AFM: variants seen among roughly 807,000 people sequenced by gnomAD.
AFM encodes alpha-Alb.
AFM carries 82 observed loss-of-function variants against 68.7 expected under a neutral mutation model. The observed-to-expected ratio is 1.19, with a 90% CI of 1.00 to 1.43. The LOEUF is 1.43. AFM is among the 40% of genes most tolerant of loss of function. The probability of loss-of-function intolerance (pLI) is 0.00; values close to 1 mark genes in which losing one functional copy is unlikely to be tolerated. For missense variants in AFM, 772 were observed against 701.8 expected, an observed-to-expected ratio of 1.10 and a Z score of -1.13; for synonymous variants, 250 against 234.2, an observed-to-expected ratio of 1.07 and a Z score of -0.61.
chr4:73,497,582 C>T (rs1721291639), intron 9 of AFM, 70 bp from the exon 10 acceptor site: 1 of 963,710 alleles, frequency 1.0e-6, no homozygotes, highest in East Asian at 2.7e-5. Context: ...TGCTATTCTA[C>T]ACATTGATGT....
At chr4:73,495,258 T>A in intron 8 of AFM, 42 bp from the exon 9 acceptor site, 1 of 1,536,842 alleles carries the variant, frequency 6.5e-7, no homozygotes, top group Non-Finnish European at 8.7e-7. Context: ...GGTTTTTTGC[T>A]CTTTCTCTAA....
chr4:73,483,762 AC>A (rs1383046734), intron 1 of AFM, among the ~76,000 whole-genome samples, 178 bp from the exon 2 acceptor site: 1 of 152,232 alleles, frequency 6.6e-6, no homozygotes, highest in African/African-American at 2.4e-5. Context: ...ATCAACAATG[AC>A]TAAGATTTCC....
At position 73,485,992 on chromosome 4, in the gene AFM, G is replaced by A; in HGVS notation, c.401G>A (p.Gly134Glu). The A allele has an allele frequency of 6.2e-7, 1 of 1,614,000 alleles. No homozygotes were observed. Among genetic ancestry groups the A allele is most frequent in the African/African-American group, 1.3e-5 (1 of 74,996 alleles). Residue 134 changes from glycine (G) to glutamate (E), a missense_variant, in exon 4 of 15, where the codon GGA becomes GAA. Transcript: ENST00000226355. ...CFFYNKKSDV[G>E]FLPPFPTLDP... ...TTCTATAACAAGAAATCTGATGTGG[G>A]ATTTCTGCCTCCTTTCCCTACCCTG...
chr4:73,491,233 G>T (rs1721062507), intron 7 of AFM, among the ~76,000 whole-genome samples: 2 of 152,268 alleles, frequency 1.3e-5, no homozygotes, highest in South Asian at 4.1e-4. Flanking sequence ...TGGGGCAATT[G>T]GTAGGGATGG....
Position 73,497,741 on chromosome 4 carries a change from G to C in AFM, c.1281G>C (p.Leu427Phe). The stretch of plus-strand genomic sequence containing the variant: ...TCCAGAATTTGGGGAAGGATGGTTT[G>C]AAATACCAGTATGTTGTTTGCACAA... Reference protein sequence around the residue: ...KHFQNLGKDGLKYHYLIRLTK... With the variant: ...KHFQNLGKDGFKYHYLIRLTK... The change falls in exon 10 of 15, where the codon TTG (leucine) becomes TTC (phenylalanine). Residue 427 changes from leucine (L) to phenylalanine (F), a missense_variant. Transcript: ENST00000226355. 2 of 1,591,870 alleles carry C rather than the reference G, an allele frequency of 1.3e-6. No individual in the cohort carries two copies. Among genetic ancestry groups the C allele is most frequent in the South Asian group, 2.2e-5 (2 of 89,370 alleles).
At chr4:73,486,876 CCT>C in intron 4 of AFM, 89 bp from the exon 5 acceptor site, 1 of 1,105,614 alleles carries the variant, frequency 9.0e-7, no homozygotes, top group Non-Finnish European at 1.2e-6. Flanking sequence ...TCTTACCCTC[CCT>C]TCCCTTCCCT....
intron 4 of AFM, 94 bp from the exon 5 acceptor site, chr4:73,486,873 C>CT: frequency 8.2e-7 from 1 of 1,213,344 alleles, no homozygotes; most frequent in Non-Finnish European, 1.1e-6. Flanking sequence ...CCATCTTACC[C>CT]TCCCTTCCCT....
chr4:73,484,292 G>C lies in AFM; in HGVS notation c.172G>C (p.Ala58Pro), dbSNP rs768090251. The C allele has an allele frequency of 1.9e-5, 30 of 1,613,244 alleles. No homozygotes were observed. The highest frequency in any genetic ancestry group is 2.5e-5 in the Non-Finnish European group (30 of 1,179,744). The stretch of plus-strand genomic sequence containing the variant: ...TGCATTTGCTCAGTATGTTCAGGAA[G>C]CAACCTTTGAAGAAATGGAAAAGCT... ...IIAFAQYVQEATFEEMEKLVK... is the reference protein window; with the variant it reads ...IIAFAQYVQEPTFEEMEKLVK... The change falls in exon 3 of 15, where the codon GCA (alanine) becomes CCA (proline). Residue 58 changes from alanine to proline, a missense_variant. Coordinates refer to ENST00000226355, the MANE Select transcript of AFM (RefSeq NM_001133.2).
chr4:73,492,055 C>T lies in AFM; in HGVS notation c.1027C>T (p.Arg343Ter), dbSNP rs201056224. ...FTDSENVCQE[R>*]DADPDTFFAK... ...TGACAGTGAAAATGTGTGTCAAGAA[C>T]GAGATGCTGACCCAGACACCTTCTT... The change falls in exon 8 of 15, where the codon CGA becomes TGA. Residue 343 changes from arginine (R) to a stop codon, truncating the protein, a stop_gained. Coordinates refer to ENST00000226355, the MANE Select transcript of AFM (RefSeq NM_001133.2). LOFTEE classifies it high-confidence loss of function. 471 of 1,612,170 alleles carry T rather than the reference C, an allele frequency of 2.9e-4. No homozygotes were observed. The highest frequency in any genetic ancestry group is 3.3e-4 in the Middle Eastern group (2 of 6,046).
rs1482280539 is a variant in AFM at position 73,484,491 on chromosome 4, TTTCTTTCTTTCTTTCATTCTTTCTTTC to T, written c.270+117_270+143del. 9.3e-5 allele frequency: 73 copies of T among 782,908 alleles called. No homozygotes were observed. In the African/African-American group the frequency reaches 1.2e-3, roughly 13 times the overall value. 48.5% of individuals were successfully genotyped at this position (782,908 alleles called of 1,614,324 possible). Reference sequence around the variant, plus strand: ...CTTTCTTTCTTTCTTTCTTTCTTTCTTTCTTTCTTTCTTTCATTCTTTCTTTCTTCTTTCTTTCTTTCTTTCCTTCTT... The same window carrying T: ...CTTTCTTTCTTTCTTTCTTTCTTTCTTTCTTTCTTTCTTTCTTTCCTTCTT... On this transcript the variant is annotated intron_variant, in intron 3 of 14. Transcript: ENST00000226355.
chr4:73,489,997 T>C (rs1322316950), intron 7 of AFM, among the ~76,000 whole-genome samples: 1 of 151,774 alleles, frequency 6.6e-6, no homozygotes, highest in African/African-American at 2.4e-5. Flanking sequence ...TGAAAAAAAA[T>C]TGCTCATGCA....
rs998724804 is a variant in AFM at position 73,503,118 on chromosome 4, C to T, written c.*40+8C>T. On this transcript the variant is annotated splice_region_variant and intron_variant, in intron 14 of 14. Transcript: ENST00000226355. ...AAGAAAAAAGCACCAAAGGTAATAC[C>T]CTCTGCCTCATTCAAATGTCAAATG... The T allele has an allele frequency of 1.3e-6, 2 of 1,594,294 alleles. No individual in the cohort carries two copies. The highest frequency in any genetic ancestry group is 2.2e-5 in the East Asian group (1 of 44,756).
intron 9 of AFM, among the ~76,000 whole-genome samples, 155 bp from the exon 10 acceptor site, chr4:73,497,497 C>A (rs1311129433): frequency 6.6e-6 from 1 of 152,056 alleles, no homozygotes; most frequent in African/African-American, 2.4e-5. Context: ...AAATTAAGTT[C>A]TTGCACGTGC....
At position 73,500,223 on chromosome 4, in the gene AFM, GACAGGT is replaced by G; in HGVS notation, c.1646_1646+5del. On this transcript the variant is annotated splice_donor_variant and coding_sequence_variant, in exon 12 of 15. Coordinates refer to ENST00000226355, the MANE Select transcript of AFM (RefSeq NM_001133.2). LOFTEE classifies it high-confidence loss of function. Reference sequence around the variant, plus strand: ...GAATGAGGAGCTTCAGAGGAAGACAGACAGGTACAAATAATCTCTTCCATTCTTCTT... The same window carrying G: ...GAATGAGGAGCTTCAGAGGAAGACAGACAAATAATCTCTTCCATTCTTCTT... 1 of 1,608,298 alleles carries G rather than the reference GACAGGT, an allele frequency of 6.2e-7. No homozygotes were observed. Among genetic ancestry groups the G allele is most frequent in the Non-Finnish European group, 8.5e-7 (1 of 1,176,430 alleles).
At chr4:73,502,770 T>C (rs1721456038) in intron 13 of AFM, among the ~76,000 whole-genome samples, 1 of 152,140 alleles carries the variant, frequency 6.6e-6, no homozygotes, top group South Asian at 2.1e-4. Flanking sequence ...TTTTAAAAAA[T>C]ATACCTAATT....
rs376036046 is a variant in AFM at position 73,497,731 on chromosome 4, A to G, written c.1271A>G (p.Lys424Arg). ...TGTAAACATTTCCAGAATTTGGGGA[A>G]GGATGGTTTGAAATACCAGTATGTT... ...QECKHFQNLG[K>R]DGLKYHYLIR... The change falls in exon 10 of 15, where the codon AAG (lysine) becomes AGG (arginine). Residue 424 changes from lysine (K) to arginine (R), a missense_variant. Transcript: ENST00000226355. 1.2e-6 allele frequency: 2 copies of G among 1,603,716 alleles called. No homozygotes were observed. The highest frequency in any genetic ancestry group is 2.7e-5 in the African/African-American group (2 of 74,380).
intron 3 of AFM, 104 bp downstream of exon 3, chr4:73,484,494 CTTTCTTT>C (rs1720826961): frequency 1.2e-6 from 1 of 821,954 alleles, no homozygotes; most frequent in African/African-American, 2.0e-5. Flanking sequence ...TTCTTTCTTT[CTTTCTTT>C]CTTTCATTCT....
intron 11 of AFM, among the ~76,000 whole-genome samples, chr4:73,499,644 G>A (rs1387949235): frequency 6.6e-6 from 1 of 152,118 alleles, no homozygotes; most frequent in Non-Finnish European, 1.5e-5. Flanking sequence ...TAGGGCTGGG[G>A]TGGAGAGTAC....
chr4:73,483,826 C>A, intron 1 of AFM, 115 bp from the exon 2 acceptor site: 1 of 801,016 alleles, frequency 1.2e-6, no homozygotes, highest in South Asian at 2.2e-5. Context: ...AAATTATCTC[C>A]TGTCATCAGT....
Sources: allele counts gnomAD v4.1 joint callset (sites outside exome capture counted in the v4.1 genomes callset), GRCh38; gene constraint gnomAD v4.1.1; transcripts MANE v1.5; gene names NCBI Gene and HGNC (gene_info 2026-07-23, HGNC 2026-07-21).